PKP2: variants seen among roughly 807,000 people sequenced by gnomAD.
PKP2 encodes plakophilin-2.
A neutral mutation model predicts 83.4 loss-of-function variants in PKP2; 73 were observed. The ratio of observed to expected loss-of-function variants is 0.88; its 90% CI spans 0.72 to 1.06. The LOEUF (loss-of-function observed/expected upper bound fraction) is 1.06. PKP2 is among the 50% of genes least tolerant of loss of function. PKP2 has a pLI of 0.00. For missense variants in PKP2, 966 were observed against 1,065.4 expected, an observed-to-expected ratio of 0.91 and a Z score of 1.30; for synonymous variants, 409 against 430.4, an observed-to-expected ratio of 0.95 and a Z score of 0.62.
At position 32,896,720 on chromosome 12, in the gene PKP2, G is replaced by C; in HGVS notation, c.12C>G (p.Pro4=). 6.8e-7 allele frequency: 1 copy of C among 1,461,730 alleles called. No homozygotes were observed. Among genetic ancestry groups the C allele is most frequent in the Non-Finnish European group, 9.0e-7 (1 of 1,107,932 alleles). The allele number at this position is 1,461,730 out of a possible 1,614,324, so 90.5% of individuals were successfully genotyped here. A position where few individuals can be genotyped will look rare whatever the true frequency, so the allele number is the denominator to read the frequency against. MAA[P]GAPAEYGYIR... ...TGTAGCCGTACTCAGCTGGGGCGCC[G>C]GGGGCTGCCATGGGGCCGGTGGGGG... is the stretch of plus-strand genomic sequence containing the variant. Residue 4 remains proline (P), a synonymous_variant, in exon 1 of 13, where the codon CCC becomes CCG. Coordinates refer to ENST00000340811, the MANE Select transcript of PKP2 (RefSeq NM_001005242.3).
Position 32,896,585 on chromosome 12 carries a change from C to T in PKP2, c.147G>A (p.Gln49=). ...CCTGGATCCGCAGGCTCTTGACTGT[C>T]TGGCCGCCGCGGCCGCTGCTCCCCG... ...KLAGSSGRGG[Q]TVKSLRIQEQ... Residue 49 remains glutamine (Q), a synonymous_variant, in exon 1 of 13, where the codon CAG becomes CAA. Transcript: ENST00000340811. The T allele has an allele frequency of 6.3e-7, 1 of 1,588,154 alleles. No individual in the cohort carries two copies. The highest frequency in any genetic ancestry group is 8.5e-7 in the Non-Finnish European group (1 of 1,176,150).
intron 4 of PKP2, chr12:32,863,415 G>T: frequency 4.1e-6 from 1 of 243,044 alleles, no homozygotes; most frequent in Non-Finnish European, 8.6e-6. Context: ...TCCGAGTGAT[G>T]CTGTACCCCT....
chr12:32,821,221 T>C (rs1592737047), intron 9 of PKP2, 135 bp downstream of exon 9: 2 of 836,926 alleles, frequency 2.4e-6, no homozygotes, highest in East Asian at 2.7e-5. Context: ...CGAAGCCCTC[T>C]GTAATTTCTG....
chr12:32,891,023 T>A (rs1957071939), intron 1 of PKP2, among the ~76,000 whole-genome samples: 1 of 151,664 alleles, frequency 6.6e-6, no homozygotes, highest in Non-Finnish European at 1.5e-5. Flanking sequence ...GAGCACTTGA[T>A]AGTTTGTTTA....
intron 9 of PKP2, among the ~76,000 whole-genome samples, chr12:32,803,502 T>C (rs1397400613): frequency 6.6e-6 from 1 of 152,258 alleles, no homozygotes; most frequent in East Asian, 1.9e-4. Flanking sequence ...TTTTCACTTT[T>C]AGAATCAAGG....
chr12:32,873,825 C>T (rs575006420), intron 3 of PKP2, among the ~76,000 whole-genome samples: 13 of 152,308 alleles, frequency 8.5e-5, no homozygotes, highest in Non-Finnish European at 1.5e-4. Flanking sequence ...CCACCGCGTC[C>T]GGCCCATTTT....
At chr12:32,835,046 A>ATTTCTTTTTTT (rs1477761723) in intron 6 of PKP2, among the ~76,000 whole-genome samples, 1 of 142,908 alleles carries the variant, frequency 7.0e-6, no homozygotes, top group African/African-American at 2.6e-5. Context: ...GAAGACAGCC[A>ATTTCTTTTTTT]TTTCTTTTTT....
Position 32,896,772 on chromosome 12 carries a change from A to C in PKP2, c.-41T>G. The C allele has an allele frequency of 2.7e-6, 3 of 1,125,050 alleles. No individual in the cohort carries two copies. Among genetic ancestry groups the C allele is most frequent in the Non-Finnish European group, 3.5e-6 (3 of 845,466 alleles). The allele number at this position is 1,125,050 out of a possible 1,614,324, so 69.7% of individuals were successfully genotyped here. A position where few individuals can be genotyped will look rare whatever the true frequency, so the allele number is the denominator to read the frequency against. ...GACCGAGCTGCTCGCCTGCCTCTGG[A>C]CTCGCGGGCGAAGCCGCCACGGAGC... On this transcript the variant is annotated 5_prime_UTR_variant, in exon 1 of 13. Coordinates refer to ENST00000340811, the MANE Select transcript of PKP2 (RefSeq NM_001005242.3).
At chr12:32,864,759 C>T (rs756277139) in intron 4 of PKP2, among the ~76,000 whole-genome samples, 6 of 152,158 alleles carry the variant, frequency 3.9e-5, no homozygotes, top group Non-Finnish European at 7.3e-5. Context: ...ACTAACATTA[C>T]CTACTTTTGA....
intron 1 of PKP2, among the ~76,000 whole-genome samples, chr12:32,882,988 A>C (rs954040410): frequency 6.6e-6 from 1 of 152,208 alleles, no homozygotes; most frequent in Non-Finnish European, 1.5e-5. Context: ...TTCCTCTAAA[A>C]CCTTCACTTA....
chr12:32,802,395 C>G lies in PKP2; in HGVS notation c.2167+8G>C, dbSNP rs371564682. Reference sequence around the variant, plus strand: ...ACATATTACACATAGATACTTATACCGACTCACCAATTTCATTCTGCAGAG... The same window carrying G: ...ACATATTACACATAGATACTTATACGGACTCACCAATTTCATTCTGCAGAG... On this transcript the variant is annotated splice_region_variant and intron_variant, in intron 10 of 12. Coordinates refer to ENST00000340811, the MANE Select transcript of PKP2 (RefSeq NM_001005242.3). 1 of 1,613,184 alleles carries G rather than the reference C, an allele frequency of 6.2e-7. No homozygotes were observed. Among genetic ancestry groups the G allele is most frequent in the Non-Finnish European group, 8.5e-7 (1 of 1,179,456 alleles).
At chr12:32,836,852 T>G (rs1368461886) in intron 6 of PKP2, among the ~76,000 whole-genome samples, 1 of 152,186 alleles carries the variant, frequency 6.6e-6, no homozygotes, top group South Asian at 2.1e-4. Context: ...GATACCTCTA[T>G]GTCCTGGAAA....
rs780847754 is a variant in PKP2, at chr12:32,796,314, AAAAAC to A, written c.2168-21_2168-17del. 8.8e-6 allele frequency: 14 copies of A among 1,593,216 alleles called. No individual in the cohort carries two copies. Among genetic ancestry groups the A allele is most frequent in the South Asian group, 3.3e-5 (3 of 89,710 alleles). ...GTTTCTTTGGCTACAAAATGAAAAA[AAAAAC>A]AAAACACTTGATTAAAAAGATTGTT... On this transcript the variant is annotated splice_polypyrimidine_tract_variant and intron_variant, in intron 10 of 12. Transcript: ENST00000340811.
At chr12:32,872,298 T>G (rs751517935) in intron 3 of PKP2, among the ~76,000 whole-genome samples, 3 of 152,060 alleles carry the variant, frequency 2.0e-5, no homozygotes, top group Non-Finnish European at 4.4e-5. Flanking sequence ...TTTGGGAGGC[T>G]GAGGTGGGTG....
chr12:32,835,929 A>G (rs1477722141), intron 6 of PKP2, among the ~76,000 whole-genome samples: 4 of 152,166 alleles, frequency 2.6e-5, no homozygotes, highest in African/African-American at 9.7e-5. Flanking sequence ...ACTGGCACAC[A>G]CCACCATGCC....
chr12:32,802,816 G>A (rs1956194693), intron 9 of PKP2, among the ~76,000 whole-genome samples: 1 of 151,762 alleles, frequency 6.6e-6, no homozygotes. Flanking sequence ...GTGCCACCAC[G>A]CCCAGCTAAT....
chr12:32,823,372 G>C (rs964918069), intron 7 of PKP2, among the ~76,000 whole-genome samples: 35 of 138,942 alleles, frequency 2.5e-4, no homozygotes, highest in African/African-American at 5.6e-5. Context: ...AGCTGAGATC[G>C]CACCACTGCA....
chr12:32,896,449 G>T, intron 1 of PKP2, 60 bp downstream of exon 1: 3 of 1,281,226 alleles, frequency 2.3e-6, no homozygotes, highest in Non-Finnish European at 3.1e-6. Context: ...GGGCGGGATA[G>T]GAGGAGGTGA....
intron 9 of PKP2, among the ~76,000 whole-genome samples, chr12:32,818,458 C>T (rs569553331): frequency 3.9e-5 from 6 of 152,142 alleles, no homozygotes; most frequent in Admixed American, 3.3e-4. Flanking sequence ...GAGACTCTGT[C>T]TCAAAAACAA....
Sources: allele counts gnomAD v4.1 joint callset (sites outside exome capture counted in the v4.1 genomes callset), GRCh38; gene constraint gnomAD v4.1.1; transcripts MANE v1.5; gene names NCBI Gene and HGNC (gene_info 2026-07-23, HGNC 2026-07-21).